PTGS1: variants seen among roughly 807,000 people sequenced by gnomAD.
PTGS1 encodes prostaglandin-endoperoxide synthase 1, also known as prostaglandin G/H synthase 1.
In PTGS1, 40 loss-of-function variants were observed where a neutral mutation model predicts 63.0. The ratio of observed to expected loss-of-function variants is 0.63; its 90% CI spans 0.49 to 0.83. PTGS1 has a LOEUF of 0.83. Among genes scored for constraint, PTGS1 ranks in the 40% least tolerant of loss-of-function variants. The pLI is 0.00. For synonymous variants in PTGS1, 298 were observed against 301.9 expected (o/e 0.99, Z 0.13); for missense variants, 709 against 786.5 (o/e 0.90, Z 1.18).
At chr9:122,375,400 G>A (rs1165875101) in intron 2 of PTGS1, 1 of 985,420 alleles carries the variant, frequency 1.0e-6, no homozygotes, top group East Asian at 1.1e-4. Flanking sequence ...TCAGACAGCT[G>A]TTGAGGGCCT....
At chr9:122,392,109 G>A (rs945599098) in intron 10 of PTGS1, 80 bp from the exon 11 acceptor site, 24 of 1,252,500 alleles carry the variant, frequency 1.9e-5, no homozygotes, top group Non-Finnish European at 2.5e-5. Context: ...GAAAAAGGTG[G>A]ACCTGGAAGG....
intron 8 of PTGS1, among the ~76,000 whole-genome samples, chr9:122,385,260 A>G (rs1198551171): frequency 6.6e-6 from 1 of 152,100 alleles, no homozygotes; most frequent in African/African-American, 2.4e-5. Context: ...GCCTGGCCGC[A>G]CTGATATTAT....
chr9:122,371,544 C>T (rs1836810354), intron 2 of PTGS1: 3 of 1,393,750 alleles, frequency 2.2e-6, no homozygotes, highest in Non-Finnish European at 2.8e-6. Context: ...CTATCCATCC[C>T]CCTCACCTGT....
chr9:122,391,191 C>T (rs913048950), intron 10 of PTGS1, among the ~76,000 whole-genome samples: 1 of 149,346 alleles, frequency 6.7e-6, no homozygotes, highest in Admixed American at 6.7e-5. Context: ...CTGGGTGGTG[C>T]CCAAGAATCT....
intron 8 of PTGS1, among the ~76,000 whole-genome samples, chr9:122,385,984 G>A (rs150533664): frequency 1.1e-4 from 17 of 152,166 alleles, no homozygotes; most frequent in African/African-American, 3.9e-4. Context: ...AATGGAAGAG[G>A]CCAAACAAAA....
chr9:122,372,742 T>C lies in PTGS1; in HGVS notation c.94+1470T>C, dbSNP rs11790953. The C allele has an allele frequency of 5.1e-3, 777 of 152,430 alleles. 4 individuals are homozygous for C. Among genetic ancestry groups the C allele is most frequent in the Non-Finnish European group, 7.4e-3 (502 of 68,062 alleles). 9.4% of individuals were successfully genotyped at this position (152,430 alleles called of 1,614,324 possible). On this transcript the variant is annotated intron_variant, in intron 2 of 10. Transcript: ENST00000362012. Reference sequence around the variant, plus strand: ...TATTCTTTTTTAGTCCATTCACTAATGCACAATGAGCCATGGTCTGTGCTA... The same window carrying C: ...TATTCTTTTTTAGTCCATTCACTAACGCACAATGAGCCATGGTCTGTGCTA...
Position 122,392,355 on chromosome 9 carries a change from C to T in PTGS1, c.1611C>T (p.Pro537=). The T allele has an allele frequency of 6.2e-7, 1 of 1,614,176 alleles. No homozygotes were observed. Among genetic ancestry groups the T allele is most frequent in the South Asian group, 1.1e-5 (1 of 91,080 alleles). ...PFSLKGLLGN[P]ICSPEYWKPS... ...CCCTCAAGGGTCTCCTAGGGAATCC[C>T]ATCTGTTCTCCGGAGTACTGGAAGC... The change falls in exon 11 of 11, where the codon CCC becomes CCT. Residue 537 remains proline, a synonymous_variant. Transcript: ENST00000362012.
chr9:122,384,188 C>A (rs1206142087), intron 8 of PTGS1, among the ~76,000 whole-genome samples: 1 of 152,144 alleles, frequency 6.6e-6, no homozygotes, highest in Non-Finnish European at 1.5e-5. Context: ...CCCTTCCCTG[C>A]ATGTATCTAC....
Position 122,392,443 on chromosome 9 carries a change from G to T in PTGS1, c.1699G>T (p.Val567Phe). The change falls in exon 11 of 11, where the codon GTC (valine) becomes TTC (phenylalanine). Residue 567 changes from valine to phenylalanine, a missense_variant. Coordinates refer to ENST00000362012, the MANE Select transcript of PTGS1 (RefSeq NM_000962.4). The part of the protein sequence containing the change: ...IVKTATLKKL[V>F]CLNTKTCPYV... ...CAAGACGGCCACACTGAAGAAGCTG[G>T]TCTGCCTCAACACCAAGACCTGTCC... is the stretch of plus-strand genomic sequence containing the variant. 1 of 1,614,152 alleles carries T rather than the reference G, an allele frequency of 6.2e-7. No individual in the cohort carries two copies. The highest frequency in any genetic ancestry group is 8.5e-7 in the Non-Finnish European group (1 of 1,180,034).
intron 5 of PTGS1, among the ~76,000 whole-genome samples, chr9:122,380,916 C>A (rs1027561113): frequency 1.3e-5 from 2 of 152,224 alleles, no homozygotes; most frequent in African/African-American, 2.4e-5. Flanking sequence ...GTTGCAAACA[C>A]AGGCTACCTT....
intron 10 of PTGS1, among the ~76,000 whole-genome samples, chr9:122,391,393 A>ATATG (rs1328904627): frequency 1.6e-4 from 14 of 85,500 alleles, no homozygotes; most frequent in African/African-American, 1.1e-3. Flanking sequence ...ATACATATAT[A>ATATG]TATACATATA....
At position 122,383,210 on chromosome 9, in the gene PTGS1, T is replaced by G. The variant is rs1200082421; in HGVS notation, c.763-299T>G. Among the ~76,000 whole-genome samples the G allele has an allele frequency of 3.2e-5, 3 of 94,194 alleles. No individual in the cohort carries two copies. In the East Asian group the frequency reaches 6.3e-4, roughly 20 times the overall value. 61.8% of individuals were successfully genotyped at this position (94,194 alleles called of 152,430 possible). ...TTTTTTTTTAAGTTTTTTTTTTCTT[T>G]TTTTTTTTTTTCTTTTTTGCTTGGG... On this transcript the variant is annotated intron_variant, in intron 7 of 10. Coordinates refer to ENST00000362012, the MANE Select transcript of PTGS1 (RefSeq NM_000962.4).
rs201170932 is a variant in PTGS1 at position 122,383,478 on chromosome 9, C to G, written c.763-31C>G. The G allele has an allele frequency of 1.7e-4, 275 of 1,572,324 alleles. No homozygotes were observed. The African/African-American group carries it at 3.1e-3, about 17-fold the overall frequency. On this transcript the variant is annotated intron_variant, in intron 7 of 10. Coordinates refer to ENST00000362012, the MANE Select transcript of PTGS1 (RefSeq NM_000962.4). ...GTGGGCAGCTGTGGGTGACCCCCAA[C>G]CCCAGGTTGCCAGGTGGCCCCATCC...
rs150807552 is a variant in PTGS1, at chr9:122,393,930, G to A, written c.*1386G>A. On this transcript the variant is annotated 3_prime_UTR_variant, in exon 11 of 11. Coordinates refer to ENST00000362012, the MANE Select transcript of PTGS1 (RefSeq NM_000962.4). ...ATGTATTTTCCTAAGTGTTTACTAT[G>A]TGCCAGTTCCTGTAACAGGTGTGGG... is the stretch of plus-strand genomic sequence containing the variant. 1 of 152,348 alleles carries A rather than the reference G, an allele frequency of 6.6e-6. No homozygotes were observed. The highest frequency in any genetic ancestry group is 1.5e-5 in the Non-Finnish European group (1 of 68,040). The allele number at this position is 152,348 out of a possible 1,614,324, so 9.4% of individuals were successfully genotyped here. A position where few individuals can be genotyped will look rare whatever the true frequency, so the allele number is the denominator to read the frequency against.
intron 2 of PTGS1, among the ~76,000 whole-genome samples, chr9:122,374,564 T>C (rs1374648847): frequency 1.3e-5 from 2 of 152,184 alleles, no homozygotes; most frequent in African/African-American, 2.4e-5. Context: ...TCTTTCTTGA[T>C]GAACAGGGGT....
rs1172895814 is a variant in PTGS1, at chr9:122,384,528, AG to A, written c.1009+775del. Among the ~76,000 whole-genome samples the A allele has an allele frequency of 2.6e-5, 4 of 152,270 alleles. No individual in the cohort carries two copies. In the East Asian group the frequency reaches 7.7e-4, roughly 29 times the overall value. On this transcript the variant is annotated intron_variant, in intron 8 of 10. Transcript: ENST00000362012. ...AAAGACCTTGACCTGAGAGAGCTGG[AG>A]GCTGTCCAGCACACTGGCTGGAGAT... is the stretch of plus-strand genomic sequence containing the variant.
intron 2 of PTGS1, chr9:122,371,905 G>C (rs922322010): frequency 8.7e-7 from 1 of 1,151,748 alleles, no homozygotes; most frequent in African/African-American, 1.5e-5. Context: ...GTCTGTCTGC[G>C]TCCACACACT....
intron 2 of PTGS1, chr9:122,375,252 G>A: frequency 2.0e-6 from 2 of 981,374 alleles, no homozygotes; most frequent in Non-Finnish European, 1.2e-6. Flanking sequence ...TGGGAGGGAG[G>A]AGCCTCAGCT....
chr9:122,391,376 TATATATATAC>T (rs1194138431), intron 10 of PTGS1, among the ~76,000 whole-genome samples: 6,256 of 106,068 alleles, frequency 0.059, 592 homozygotes, highest in African/African-American at 0.25. Flanking sequence ...TATATACATA[TATATATATAC>T]ATATATATAT....
Sources: allele counts gnomAD v4.1 joint callset (sites outside exome capture counted in the v4.1 genomes callset), GRCh38; gene constraint gnomAD v4.1.1; transcripts MANE v1.5; gene names NCBI Gene and HGNC (gene_info 2026-07-23, HGNC 2026-07-21).